The following PLAAT1 variants were observed in gnomAD, a reference collection of about 807,000 sequenced individuals.
PLAAT1 encodes the protein phospholipase A and acyltransferase 1, also known as H-REV107 protein-related protein.
A neutral mutation model predicts 16.4 loss-of-function variants in PLAAT1; 13 were observed. The ratio of observed to expected loss-of-function variants is 0.79; its 90% CI spans 0.52 to 1.26. The LOEUF (loss-of-function observed/expected upper bound fraction) is 1.26, where lower values mean the gene tolerates loss of function less well. PLAAT1 is among the 50% of genes most tolerant of loss of function. PLAAT1 has a pLI of 0.00. For missense variants in PLAAT1, 218 were observed against 207.8 expected (o/e 1.05, Z -0.30); for synonymous variants, 73 against 78.4 (o/e 0.93, Z 0.36).
downstream of PLAAT1, among the ~76,000 whole-genome samples, chr3:193,279,643 C>T (rs4481103): frequency 0.4 from 60,825 of 151,898 alleles, 13,096 homozygotes; most frequent in East Asian, 0.55. Flanking sequence ...AGAATCTTTC[C>T]TTGAAAGTCT....
At chr3:193,278,664 T>C (rs1006862477), downstream of PLAAT1, among the ~76,000 whole-genome samples, 30 of 152,214 alleles carry the variant, frequency 2.0e-4, no homozygotes, top group African/African-American at 6.8e-4. Context: ...ATCTCATCAA[T>C]GAAATGCCTC....
At chr3:193,259,493 G>A (rs910304250) in intron 2 of PLAAT1, among the ~76,000 whole-genome samples, 1 of 152,094 alleles carries the variant, frequency 6.6e-6, no homozygotes, top group Non-Finnish European at 1.5e-5. Flanking sequence ...GACTCCACCA[G>A]AAGCCTCCTG....
chr3:193,260,700 ATGC>A (rs779553424), intron 2 of PLAAT1, among the ~76,000 whole-genome samples: 1 of 151,960 alleles, frequency 6.6e-6, no homozygotes, highest in Non-Finnish European at 1.5e-5. Flanking sequence ...AAAAAAACAG[ATGC>A]TGGTGATGTT....
At chr3:193,281,090 C>T (rs1204321807), downstream of PLAAT1, 1 of 655,624 alleles carries the variant, frequency 1.5e-6, no homozygotes, top group Non-Finnish European at 1.9e-6. Flanking sequence ...ATGAGGCAGA[C>T]AGAAGAAAAG....
At chr3:193,255,167 G>A (rs1168471849) in intron 1 of PLAAT1, among the ~76,000 whole-genome samples, 1 of 152,166 alleles carries the variant, frequency 6.6e-6, no homozygotes, top group African/African-American at 2.4e-5. Flanking sequence ...TGCTAAATAA[G>A]TGCAAGCATA....
downstream of PLAAT1, among the ~76,000 whole-genome samples, chr3:193,271,110 A>G (rs948064666): frequency 5.9e-5 from 9 of 152,186 alleles, no homozygotes; most frequent in African/African-American, 1.4e-4. Flanking sequence ...ATCCAAATTC[A>G]TGTTTCTTTT....
chr3:193,255,572 C>T (rs1716343938), intron 1 of PLAAT1, 79 bp from the exon 2 acceptor site: 2 of 1,359,108 alleles, frequency 1.5e-6, no homozygotes, highest in Admixed American at 2.1e-5. Flanking sequence ...CTGTATCATT[C>T]TGCTTTTATG....
At chr3:193,270,069 AAC>A (rs1553807457) in intron 3 of PLAAT1, among the ~76,000 whole-genome samples, 12,071 of 147,794 alleles carry the variant, frequency 0.082, 541 homozygotes, top group Admixed American at 0.14. Flanking sequence ...ACATCCCTGA[AAC>A]ACACACACAC....
chr3:193,266,371 AAG>A (rs1425805335), intron 3 of PLAAT1, among the ~76,000 whole-genome samples: 2 of 152,228 alleles, frequency 1.3e-5, no homozygotes, highest in East Asian at 1.9e-4. Context: ...GTTAAATAAA[AAG>A]AGATTAGAGC....
intron 1 of PLAAT1, among the ~76,000 whole-genome samples, chr3:193,253,193 A>G (rs972350687): frequency 1.3e-5 from 2 of 152,186 alleles, no homozygotes; most frequent in South Asian, 2.1e-4. Context: ...TTTAAGTTGC[A>G]TATTAGCCTT....
At chr3:193,263,265 T>C (rs1716657239) in intron 3 of PLAAT1, 30 bp downstream of exon 3, 2 of 1,600,912 alleles carry the variant, frequency 1.2e-6, no homozygotes, top group South Asian at 1.1e-5. Flanking sequence ...TATTCTTACA[T>C]TGAGAAAAGA....
chr3:193,276,787 A>G (rs1022953834), intron 2 of PLAAT1: 1 of 1,613,624 alleles, frequency 6.2e-7, no homozygotes, highest in Non-Finnish European at 8.5e-7. Context: ...GGTGAGGGCT[A>G]CCACCAAAAT....
chr3:193,255,822 A>G (rs964353207), intron 2 of PLAAT1, 33 bp downstream of exon 2: 18 of 1,536,678 alleles, frequency 1.2e-5, no homozygotes, highest in Non-Finnish European at 1.6e-5. Context: ...CCTGGGAGCA[A>G]AGTTTTAGTG....
chr3:193,252,687 A>G (rs1211422890), intron 1 of PLAAT1, among the ~76,000 whole-genome samples: 1 of 152,202 alleles, frequency 6.6e-6, no homozygotes, highest in African/African-American at 2.4e-5. Flanking sequence ...AGTTTTACAT[A>G]TAAGTCTGTT....
At chr3:193,246,724 T>G (rs1198599938) in intron 1 of PLAAT1, among the ~76,000 whole-genome samples, 2 of 152,208 alleles carry the variant, frequency 1.3e-5, no homozygotes, top group African/African-American at 4.8e-5. Flanking sequence ...CCCACTTGAT[T>G]ATGGTGAGTG....
intron 2 of PLAAT1, among the ~76,000 whole-genome samples, chr3:193,259,321 T>A (rs1716501496): frequency 6.6e-6 from 1 of 152,220 alleles, no homozygotes. Context: ...TGAAGCAAGA[T>A]AAGGGTGTTC....
intron 2 of PLAAT1, among the ~76,000 whole-genome samples, chr3:193,257,184 A>G (rs1716407110): frequency 6.6e-6 from 1 of 152,184 alleles, no homozygotes; most frequent in African/African-American, 2.4e-5. Context: ...ACTACCTGTT[A>G]CAGTTAAAGA....
At chr3:193,261,821 C>G (rs1417910723) in intron 2 of PLAAT1, among the ~76,000 whole-genome samples, 1 of 152,102 alleles carries the variant, frequency 6.6e-6, no homozygotes, top group Admixed American at 6.5e-5. Flanking sequence ...TTTTAATTTT[C>G]TAATTTTTGC....
downstream of PLAAT1, among the ~76,000 whole-genome samples, chr3:193,280,694 G>C (rs192453404): frequency 6.6e-6 from 1 of 152,262 alleles, no homozygotes; most frequent in Non-Finnish European, 1.5e-5. Flanking sequence ...CTTTAGCAGA[G>C]CACTTTAGAG....
Sources: allele counts gnomAD v4.1 joint callset (sites outside exome capture counted in the v4.1 genomes callset), GRCh38; gene constraint gnomAD v4.1.1; transcripts MANE v1.5; gene names NCBI Gene and HGNC (gene_info 2026-07-23, HGNC 2026-07-21).